JARID2: variants seen among roughly 807,000 people sequenced by gnomAD.
JARID2 encodes the protein jumonji and AT-rich interaction domain containing 2.
A neutral mutation model predicts 125.6 loss-of-function variants in JARID2; 21 were observed. The observed-to-expected ratio is 0.17, with a 90% CI of 0.12 to 0.24. The LOEUF (loss-of-function observed/expected upper bound fraction) is 0.24, where lower values mean the gene tolerates loss of function less well. Among genes scored for constraint, JARID2 ranks in the 10% least tolerant of loss-of-function variants. The pLI is 1.00. For missense variants in JARID2, 1,303 were observed against 1,639.6 expected (o/e 0.79, Z 3.55); for synonymous variants, 736 against 661.6 (o/e 1.11, Z -1.73).
At chr6:15,504,725 C>T (rs1337465246) in intron 9 of JARID2, 133 bp downstream of exon 9, 3 of 637,712 alleles carry the variant, frequency 4.7e-6, no homozygotes, top group Admixed American at 5.2e-5. Context: ...AGTTCGTCCT[C>T]TGTGTTGAGC....
chr6:15,273,161 G>A (rs990748778), intron 1 of JARID2, among the ~76,000 whole-genome samples: 4 of 152,020 alleles, frequency 2.6e-5, no homozygotes, highest in Admixed American at 2.6e-4. Context: ...CCTTATGCCT[G>A]GAAACATCGC....
chr6:15,321,384 T>C (rs1762347861), intron 1 of JARID2, among the ~76,000 whole-genome samples: 1 of 152,246 alleles, frequency 6.6e-6, no homozygotes, highest in South Asian at 2.1e-4. Flanking sequence ...TTACGGCACA[T>C]ATTTCATTAA....
chr6:15,338,949 T>C (rs556465799), intron 1 of JARID2, among the ~76,000 whole-genome samples: 7 of 152,320 alleles, frequency 4.6e-5, no homozygotes, highest in African/African-American at 1.7e-4. Flanking sequence ...GAGGTTATGT[T>C]ACTTTTGAAT....
intron 1 of JARID2, among the ~76,000 whole-genome samples, chr6:15,355,694 C>G (rs944157243): frequency 6.6e-6 from 1 of 152,136 alleles, no homozygotes; most frequent in East Asian, 1.9e-4. Context: ...TCACTGCAAC[C>G]TCTGCCTCCT....
At chr6:15,249,374 G>C (rs1382575431) in intron 1 of JARID2, among the ~76,000 whole-genome samples, 2 of 152,094 alleles carry the variant, frequency 1.3e-5, no homozygotes, top group Non-Finnish European at 1.5e-5. Context: ...TGTACCTACT[G>C]ACTGTTATTT....
intron 1 of JARID2, among the ~76,000 whole-genome samples, chr6:15,327,268 C>T (rs895365010): frequency 1.1e-4 from 17 of 151,894 alleles, no homozygotes; most frequent in South Asian, 4.1e-4. Flanking sequence ...TTTTAAGAGA[C>T]GGTCTTGCCC....
intron 3 of JARID2, among the ~76,000 whole-genome samples, chr6:15,439,152 C>G (rs1185352711): frequency 1.3e-5 from 2 of 152,104 alleles, no homozygotes; most frequent in African/African-American, 2.4e-5. Flanking sequence ...ATTAATTACT[C>G]CTGGTGCAAG....
At chr6:15,264,627 G>GTGTGTA (rs1172427732) in intron 1 of JARID2, among the ~76,000 whole-genome samples, 2 of 151,396 alleles carry the variant, frequency 1.3e-5, no homozygotes, top group African/African-American at 4.9e-5. Context: ...GTGTGTGTGT[G>GTGTGTA]TGTGTGTGTG....
intron 1 of JARID2, among the ~76,000 whole-genome samples, chr6:15,266,580 G>A (rs1455136265): frequency 6.6e-6 from 1 of 152,200 alleles, no homozygotes; most frequent in African/African-American, 2.4e-5. Flanking sequence ...CCTGGCTAGG[G>A]TGTTTGTAGT....
chr6:15,490,591 C>A (rs1232595618), intron 6 of JARID2, among the ~76,000 whole-genome samples: 3 of 152,206 alleles, frequency 2.0e-5, no homozygotes, highest in Non-Finnish European at 2.9e-5. Flanking sequence ...CTGTCTTTGT[C>A]ATGGAATGCA....
chr6:15,357,048 C>T (rs1235799711), intron 1 of JARID2, among the ~76,000 whole-genome samples: 2 of 152,144 alleles, frequency 1.3e-5, no homozygotes, highest in Non-Finnish European at 2.9e-5. Flanking sequence ...AAACTTTGTT[C>T]GTTTCACAGT....
chr6:15,462,612 T>G (rs998263583), intron 4 of JARID2, among the ~76,000 whole-genome samples: 2 of 152,246 alleles, frequency 1.3e-5, no homozygotes, highest in Admixed American at 6.5e-5. Context: ...TCATTCTGTT[T>G]ATGTATCCCG....
At chr6:15,519,373 C>T (rs1040886092) in intron 17 of JARID2, among the ~76,000 whole-genome samples, 8 of 152,174 alleles carry the variant, frequency 5.3e-5, no homozygotes, top group African/African-American at 1.7e-4. Context: ...CTTTCTCACC[C>T]TCATCTTGAG....
chr6:15,424,618 G>A (rs1766643460), intron 3 of JARID2, among the ~76,000 whole-genome samples: 1 of 152,156 alleles, frequency 6.6e-6, no homozygotes. Context: ...AGCACTTTGG[G>A]GGGCTGAGTT....
chr6:15,428,940 C>CCCCCA (rs1554135863), intron 3 of JARID2, among the ~76,000 whole-genome samples: 1 of 116,864 alleles, frequency 8.6e-6, no homozygotes, highest in Admixed American at 9.0e-5. Flanking sequence ...ACCCCCCCCC[C>CCCCCA]AAAAAAAAAA....
chr6:15,379,395 C>CAG (rs1203751293), intron 2 of JARID2, among the ~76,000 whole-genome samples: 1 of 152,156 alleles, frequency 6.6e-6, no homozygotes, highest in African/African-American at 2.4e-5. Flanking sequence ...AAAGGACTGG[C>CAG]AGAGGCTGAG....
intron 3 of JARID2, among the ~76,000 whole-genome samples, chr6:15,434,010 G>A (rs1409663052): frequency 1.3e-5 from 2 of 151,220 alleles, no homozygotes; most frequent in Admixed American, 1.3e-4. Flanking sequence ...ATGTGCCAGT[G>A]TACTTTACTT....
chr6:15,329,665 C>T (rs1368505312), intron 1 of JARID2, among the ~76,000 whole-genome samples: 3 of 152,216 alleles, frequency 2.0e-5, no homozygotes, highest in African/African-American at 7.2e-5. Context: ...CGGATTTTAT[C>T]TTCCCATTTC....
intron 14 of JARID2, among the ~76,000 whole-genome samples, 199 bp downstream of exon 14, chr6:15,512,589 A>G (rs772831389): frequency 4.6e-5 from 7 of 152,232 alleles, no homozygotes; most frequent in Non-Finnish European, 1.0e-4. Context: ...TGTATCACAA[A>G]GAGTTTTGAT....
Sources: gnomAD v4.1 joint callset for allele counts (sites outside exome capture counted in the v4.1 genomes callset) on GRCh38, gnomAD v4.1.1 for gene constraint, MANE v1.5 for transcripts, NCBI Gene and HGNC (gene_info 2026-07-23, HGNC 2026-07-21) for gene names.